The following KDM5A variants were observed in gnomAD, a reference collection of about 807,000 sequenced individuals.
KDM5A encodes lysine-specific demethylase 5A.
A neutral mutation model predicts 193.5 loss-of-function variants in KDM5A; 42 were observed. The observed-to-expected ratio is 0.22, with a 90% CI of 0.17 to 0.28. KDM5A has a LOEUF of 0.28. KDM5A is among the 10% of genes least tolerant of loss of function. The pLI is 1.00. For missense variants in KDM5A, 1,692 were observed against 2,055.1 expected (o/e 0.82, Z 3.42); for synonymous variants, 796 against 718.1 (o/e 1.11, Z -1.73).
At chr12:378,974 A>C (rs1049020594) in intron 3 of KDM5A, among the ~76,000 whole-genome samples, 2 of 151,978 alleles carry the variant, frequency 1.3e-5, no homozygotes, top group African/African-American at 4.8e-5. Context: ...AAAAAAAAAA[A>C]AACTAATTAT....
At chr12:333,775 T>C in intron 11 of KDM5A, 126 bp from the exon 12 acceptor site, 1 of 889,026 alleles carries the variant, frequency 1.1e-6, no homozygotes. Flanking sequence ...TGCCCTGAAT[T>C]CTGGCAACCA....
Position 285,514 on chromosome 12 carries a change from G to C in KDM5A, c.5015C>G (p.Pro1672Arg). Residue 1672 changes from proline (P) to arginine (R), a missense_variant, in exon 28 of 28, where the codon CCT becomes CGT. By Grantham distance (103) the Pro-to-Arg change is moderately radical. Coordinates refer to ENST00000399788, the MANE Select transcript of KDM5A (RefSeq NM_001042603.3). ...QGPVSPGPAP[P>R]PSFIMSYKLP... ...TTTGTAGCTCATTATGAAGGAAGGA[G>C]GTGGTGCTGGACCTGGGCTAACTGG... is the stretch of plus-strand genomic sequence containing the variant. The C allele has an allele frequency of 6.2e-7, 1 of 1,614,008 alleles. No individual in the cohort carries two copies. Among genetic ancestry groups the C allele is most frequent in the Non-Finnish European group, 8.5e-7 (1 of 1,179,924 alleles).
Position 307,335 on chromosome 12 carries a change from G to A in KDM5A, c.3930+119C>T. ...AGTGTATGTTGAAGGAGAATGCAAT[G>A]GATAATTGCTGACAAGTTACTGTTA... is the stretch of plus-strand genomic sequence containing the variant. On this transcript the variant is annotated intron_variant, in intron 23 of 27. Transcript: ENST00000399788. The surrounding 1 kb of genome is among the most constrained non-coding windows in gnomAD (Gnocchi z 4.3). The A allele has an allele frequency of 8.6e-7, 1 of 1,161,424 alleles. No individual in the cohort carries two copies. The highest frequency in any genetic ancestry group is 1.5e-5 in the African/African-American group (1 of 65,964). 71.9% of individuals were successfully genotyped at this position (1,161,424 alleles called of 1,614,324 possible).
chr12:342,176 G>C (rs1292977551), intron 10 of KDM5A, among the ~76,000 whole-genome samples: 1 of 152,118 alleles, frequency 6.6e-6, no homozygotes, highest in Non-Finnish European at 1.5e-5. Flanking sequence ...TAAAGCTACA[G>C]GGGCTATACT....
intron 5 of KDM5A, among the ~76,000 whole-genome samples, chr12:359,240 C>G (rs994127092): frequency 6.6e-6 from 1 of 152,086 alleles, no homozygotes; most frequent in South Asian, 2.1e-4. Context: ...TTTTCTAGCC[C>G]TGACCATTTA....
At chr12:313,790 T>C (rs80263625) in intron 19 of KDM5A, among the ~76,000 whole-genome samples, 6 of 152,334 alleles carry the variant, frequency 3.9e-5, no homozygotes, top group Middle Eastern at 3.4e-3. Context: ...CTCACTGTTA[T>C]GGGAGGCAGT....
chr12:295,401 G>T (rs1017045687), intron 26 of KDM5A, among the ~76,000 whole-genome samples, 172 bp downstream of exon 26: 2 of 152,090 alleles, frequency 1.3e-5, no homozygotes, highest in African/African-American at 2.4e-5. Context: ...GAGGGAGGCA[G>T]GGAGGCAGGC....
intron 3 of KDM5A, among the ~76,000 whole-genome samples, chr12:370,429 T>C (rs980540143): frequency 1.3e-5 from 2 of 152,016 alleles, no homozygotes; most frequent in Non-Finnish European, 2.9e-5. Context: ...ATACAAACCA[T>C]TTACTCCAAA....
At chr12:357,255 T>C (rs6489448) in intron 5 of KDM5A, among the ~76,000 whole-genome samples, 106,320 of 150,930 alleles carry the variant, frequency 0.7, 37,646 homozygotes, top group Middle Eastern at 0.78. Flanking sequence ...CCACCCTGGG[T>C]GACAGACAAG....
At chr12:292,727 C>T (rs776409296) in intron 27 of KDM5A, 32 bp downstream of exon 27, 1 of 1,614,142 alleles carries the variant, frequency 6.2e-7, no homozygotes, top group Non-Finnish European at 8.5e-7. Context: ...TCCTTGACCT[C>T]TCATGCTTGA....
At position 309,908 on chromosome 12, in the gene KDM5A, T is replaced by A; in HGVS notation, c.3273A>T (p.Lys1091Asn). ...CTTTTTCTATTAGTTCTTTTACTTT[T>A]TTCCTCCTATTTTTGCCACTCCCAT... ...GVYGSGKNRR[K>N]KVKELIEKEK... The change falls in exon 22 of 28, where the codon AAA becomes AAT. Residue 1091 changes from lysine (K) to asparagine (N), a missense_variant. Lys to Asn is a moderately conservative substitution (Grantham distance 94). This residue lies in a region of KDM5A where 965 missense variants were observed against 1,061.0 expected (regional missense o/e 0.91). Coordinates refer to ENST00000399788, the MANE Select transcript of KDM5A (RefSeq NM_001042603.3). 1 of 1,613,658 alleles carries A rather than the reference T, an allele frequency of 6.2e-7. No individual in the cohort carries two copies. Among genetic ancestry groups the A allele is most frequent in the African/African-American group, 1.3e-5 (1 of 74,974 alleles).
At chr12:311,336 A>G (rs2073704552) in intron 20 of KDM5A, 1 of 434,968 alleles carries the variant, frequency 2.3e-6, no homozygotes, top group Non-Finnish European at 4.2e-6. Flanking sequence ...AATCTAAAGC[A>G]CAGACATATA....
At position 334,425 on chromosome 12, in the gene KDM5A, A is replaced by G. The variant is rs764906668; in HGVS notation, c.1309-3T>C. The G allele has an allele frequency of 6.2e-6, 10 of 1,611,508 alleles. No homozygotes were observed. Among genetic ancestry groups the G allele is most frequent in the African/African-American group, 2.7e-5 (2 of 74,896 alleles). On this transcript the variant is annotated splice_polypyrimidine_tract_variant and splice_region_variant and intron_variant, in intron 10 of 27. Transcript: ENST00000399788. ...TTCCAACCAGAAAGTGCATATTCCT[A>G]TAAGAGAAGAAAAAACTGTAAATGA...
intron 27 of KDM5A, among the ~76,000 whole-genome samples, chr12:286,601 G>A (rs2137356223): frequency 6.6e-6 from 1 of 152,244 alleles, no homozygotes; most frequent in South Asian, 2.1e-4. Flanking sequence ...AAAACCATGA[G>A]CTTTACCAGA....
In KDM5A at chr12:321,113, A is replaced by C. The variant is rs1165751685; in HGVS notation, c.2427-4T>G. 5 of 1,589,670 alleles carry C rather than the reference A, an allele frequency of 3.1e-6. No individual in the cohort carries two copies. Among genetic ancestry groups the C allele is most frequent in the Non-Finnish European group, 4.3e-6 (5 of 1,157,942 alleles). On this transcript the variant is annotated splice_region_variant and splice_polypyrimidine_tract_variant and intron_variant, in intron 17 of 27. Transcript: ENST00000399788. ...CCTCCCACTATCTGGGCTCTGTCTG[A>C]TGTGAAATAATATTGAGATATAAGT...
intron 3 of KDM5A, among the ~76,000 whole-genome samples, chr12:368,090 T>C (rs1346906161): frequency 6.6e-6 from 1 of 152,240 alleles, no homozygotes; most frequent in East Asian, 1.9e-4. Context: ...TGGAATATTA[T>C]TCTGCCTTAG....
rs1427782041 is a variant in KDM5A at position 283,634 on chromosome 12, A to AAG, written c.*1820_*1821dup. On this transcript the variant is annotated 3_prime_UTR_variant, in exon 28 of 28. Coordinates refer to ENST00000399788, the MANE Select transcript of KDM5A (RefSeq NM_001042603.3). ...AGTACATTTCACTTCTAGTTACTAGAAGACAGTTCTTTAAAAGAGACTGGG... is the reference window on the plus strand; with the variant it reads ...AGTACATTTCACTTCTAGTTACTAGAAGAGACAGTTCTTTAAAAGAGACTGGG... The AAG allele has an allele frequency of 4.3e-6, 1 of 233,256 alleles. No individual in the cohort carries two copies. The highest frequency in any genetic ancestry group is 8.5e-6 in the Non-Finnish European group (1 of 117,872). The allele number at this position is 233,256 out of a possible 1,614,324, so 14.4% of individuals were successfully genotyped here. A position where few individuals can be genotyped will look rare whatever the true frequency, so the allele number is the denominator to read the frequency against.
intron 10 of KDM5A, among the ~76,000 whole-genome samples, chr12:343,420 G>A (rs563256030): frequency 4.6e-5 from 7 of 151,834 alleles, no homozygotes; most frequent in East Asian, 3.9e-4. Context: ...AAGAGAGCAC[G>A]GCATTTCACC....
intron 3 of KDM5A, among the ~76,000 whole-genome samples, chr12:381,727 C>T (rs541522223): frequency 3.8e-4 from 58 of 152,132 alleles, no homozygotes; most frequent in Admixed American, 1.7e-3. Flanking sequence ...AGCGTAAGAC[C>T]GTACTTCCCA....
Sources: gnomAD v4.1 joint callset for allele counts (sites outside exome capture counted in the v4.1 genomes callset) on GRCh38, gnomAD v4.1.1 for gene constraint, gnomAD v4.1.1 regional missense constraint, Gnocchi (gnomAD v3.1) non-coding constraint, MANE v1.5 for transcripts, NCBI Gene and HGNC (gene_info 2026-07-23, HGNC 2026-07-21) for gene names.